Variants in PITPNM3 observed in about 807,000 individuals in gnomAD.
PITPNM3 encodes the protein membrane-associated phosphatidylinositol transfer protein 3.
PITPNM3 carries 26 observed loss-of-function variants against 102.0 expected under a neutral mutation model. The observed-to-expected ratio is 0.25, with a 90% CI of 0.19 to 0.35. The LOEUF (loss-of-function observed/expected upper bound fraction) is 0.35. Ranked by LOEUF, PITPNM3 falls within the 10% of genes least tolerant of loss-of-function variation. The pLI is 1.00. For synonymous variants in PITPNM3, 578 were observed against 558.6 expected, an observed-to-expected ratio of 1.03 and a Z score of -0.49; for missense variants, 1,083 against 1,346.1, an observed-to-expected ratio of 0.80 and a Z score of 3.06.
intron 3 of PITPNM3, among the ~76,000 whole-genome samples, chr17:6,523,993 T>G (rs1248894831): frequency 6.6e-6 from 1 of 152,222 alleles, no homozygotes; most frequent in Non-Finnish European, 1.5e-5. Context: ...CTTGGGGGAC[T>G]TTGGGCAAGA....
intron 1 of PITPNM3, among the ~76,000 whole-genome samples, chr17:6,553,740 C>T (rs570442195): frequency 6.6e-6 from 1 of 152,174 alleles, no homozygotes; most frequent in Non-Finnish European, 1.5e-5. Context: ...TCCTGTGTCA[C>T]CCCCCGCCGC....
chr17:6,461,986 G>C (rs1414709930), intron 17 of PITPNM3, among the ~76,000 whole-genome samples: 1 of 149,574 alleles, frequency 6.7e-6, no homozygotes, highest in East Asian at 2.0e-4. Context: ...CTCTCTCCTG[G>C]GCCACTACAA....
At position 6,469,670 on chromosome 17, in the gene PITPNM3, A is replaced by G. The variant is rs1904962216; in HGVS notation, c.1773+590T>C. Among the ~76,000 whole-genome samples, 1 of 152,194 alleles carries G rather than the reference A, an allele frequency of 6.6e-6. No homozygotes were observed. The highest frequency in any genetic ancestry group is 1.5e-5 in the Non-Finnish European group (1 of 68,028). On this transcript the variant is annotated intron_variant, in intron 13 of 19. Coordinates refer to ENST00000262483, the MANE Select transcript of PITPNM3 (RefSeq NM_031220.4). This position sits in a 1 kb window ranked among gnomAD's most constrained non-coding sequence, Gnocchi z 4.0. ...GTTGGGCCCCTGCACTGGCCTCACAAGAGGCCTCATGGTTCCTCTCCTGCC... is the reference window on the plus strand; with the variant it reads ...GTTGGGCCCCTGCACTGGCCTCACAGGAGGCCTCATGGTTCCTCTCCTGCC...
In PITPNM3 at chr17:6,468,534, G is replaced by A. The variant is rs1373872223; in HGVS notation, c.1774-193C>T. Among the ~76,000 whole-genome samples, 1 of 152,134 alleles carries A rather than the reference G, an allele frequency of 6.6e-6. No homozygotes were observed. The highest frequency in any genetic ancestry group is 1.5e-5 in the Non-Finnish European group (1 of 68,012). On this transcript the variant is annotated intron_variant, in intron 13 of 19. Coordinates refer to ENST00000262483, the MANE Select transcript of PITPNM3 (RefSeq NM_031220.4). The surrounding 1 kb of genome is among the most constrained non-coding windows in gnomAD (Gnocchi z 5.2). Reference sequence around the variant, plus strand: ...TGTCCTGATAGCTGGGGCCAGAGCAGTCTCCCAGCTGGCTCCCTTCCTGAG... The same window carrying A: ...TGTCCTGATAGCTGGGGCCAGAGCAATCTCCCAGCTGGCTCCCTTCCTGAG...
chr17:6,540,947 C>T (rs1909702157), intron 1 of PITPNM3, among the ~76,000 whole-genome samples: 1 of 152,250 alleles, frequency 6.6e-6, no homozygotes, highest in African/African-American at 2.4e-5. Context: ...GCGTGAGCCA[C>T]TGCATCTGGC....
intron 1 of PITPNM3, among the ~76,000 whole-genome samples, chr17:6,549,480 CCCCAGAGTCATG>C (rs1346448880): frequency 6.6e-6 from 1 of 152,188 alleles, no homozygotes; most frequent in Non-Finnish European, 1.5e-5. Context: ...CCAGCTCCCA[CCCCAGAGTCATG>C]GACAGAGGAG....
intron 3 of PITPNM3, among the ~76,000 whole-genome samples, chr17:6,505,171 G>A (rs145555694): frequency 0.014 from 1,777 of 130,234 alleles, 45 homozygotes; most frequent in African/African-American, 0.047. Context: ...ATGAGACTCC[G>A]TCTCCAAAAA....
chr17:6,466,476 A>C (rs1489865702), intron 14 of PITPNM3, among the ~76,000 whole-genome samples: 1 of 152,166 alleles, frequency 6.6e-6, no homozygotes, highest in Admixed American at 6.5e-5. Flanking sequence ...CTGGTTCATG[A>C]ATATAAGCAC....
Position 6,544,654 on chromosome 17 carries a change from T to TCTCTCACACACA in PITPNM3, c.23-6573_23-6572insTGTGTGTGAGAG, listed in dbSNP as rs376230474. 6.9e-3 allele frequency among the ~76,000 whole-genome samples: 905 copies of TCTCTCACACACA among 130,250 alleles called. 13 individuals are homozygous for TCTCTCACACACA. The highest frequency in any genetic ancestry group is 0.026 in the African/African-American group (848 of 32,504). 85.4% of individuals were successfully genotyped at this position (130,250 alleles called of 152,430 possible). ...CTCTCTCTCTCTCTCTCTCTCTCTCTCACACACACACACACACACACACAA... is the reference window on the plus strand; with the variant it reads ...CTCTCTCTCTCTCTCTCTCTCTCTCTCTCTCACACACACACACACACACACACACACACACAA... On this transcript the variant is annotated intron_variant, in intron 1 of 19. Transcript: ENST00000262483.
At chr17:6,527,884 G>A (rs1286563639) in intron 2 of PITPNM3, among the ~76,000 whole-genome samples, 5 of 152,232 alleles carry the variant, frequency 3.3e-5, no homozygotes, top group Non-Finnish European at 5.9e-5. Context: ...AGTGGTTTAT[G>A]CAAGGCTACT....
intron 4 of PITPNM3, 70 bp downstream of exon 4, chr17:6,503,457 G>C (rs1029479803): frequency 2.8e-5 from 42 of 1,527,178 alleles, no homozygotes; most frequent in Non-Finnish European, 3.7e-5. Flanking sequence ...GATGAGAGGG[G>C]ACCCAGGCTC....
intron 6 of PITPNM3, chr17:6,480,822 C>G (rs182143223): frequency 1.3e-5 from 2 of 152,484 alleles, no homozygotes; most frequent in Admixed American, 1.3e-4. Context: ...CTACCTTTAG[C>G]TAGTTCAACA....
At chr17:6,522,238 T>C (rs1041973019) in intron 3 of PITPNM3, among the ~76,000 whole-genome samples, 1 of 151,188 alleles carries the variant, frequency 6.6e-6, no homozygotes, top group Non-Finnish European at 1.5e-5. Context: ...CAAGATGAGT[T>C]CACAATCACA....
chr17:6,515,991 G>A (rs987118918), intron 3 of PITPNM3, among the ~76,000 whole-genome samples: 1 of 152,142 alleles, frequency 6.6e-6, no homozygotes, highest in African/African-American at 2.4e-5. Context: ...GACCAACCAA[G>A]ACAACACAGC....
At chr17:6,501,611 C>T (rs964444250) in intron 4 of PITPNM3, among the ~76,000 whole-genome samples, 4 of 151,884 alleles carry the variant, frequency 2.6e-5, no homozygotes, top group African/African-American at 7.3e-5. Context: ...AGAGAAAAAA[C>T]CAACAAGGGC....
In PITPNM3 at chr17:6,457,638, A is replaced by C; in HGVS notation, c.2575T>G (p.Phe859Val). 6.2e-7 allele frequency: 1 copy of C among 1,612,356 alleles called. No individual in the cohort carries two copies. The highest frequency in any genetic ancestry group is 1.3e-5 in the African/African-American group (1 of 74,708). ...TTCTTGGTGGGCCGGCCCACAATGA[A>C]GATCTGGGAGGCAGGCAGGCCCAGC... ...SVLGLPASQIFIVGRPTKKYQ... is the reference protein window; with the variant it reads ...SVLGLPASQIVIVGRPTKKYQ... The change falls in exon 19 of 20, where the codon TTC (phenylalanine) becomes GTC (valine). Residue 859 changes from phenylalanine to valine, a missense_variant. Transcript: ENST00000262483. The surrounding 1 kb of genome is among the most constrained non-coding windows in gnomAD (Gnocchi z 4.7).
chr17:6,455,485 G>C lies in PITPNM3; in HGVS notation c.2778C>G (p.Thr926=), dbSNP rs1914048223. 18 of 1,606,006 alleles carry C rather than the reference G, an allele frequency of 1.1e-5. No individual in the cohort carries two copies. Among genetic ancestry groups the C allele is most frequent in the Non-Finnish European group, 1.4e-5 (16 of 1,179,616 alleles). ...GCGGGTCGGGCTGCTGCACTGACAT[G>C]GTTCTGCGCAGGTGGTTGCGCTTCC... ...FLRKRNHLRR[T]MSVQQPDPPA... is the part of the protein sequence containing the mutation. Residue 926 remains threonine, a synonymous_variant, in exon 20 of 20, where the codon ACC becomes ACG. Coordinates refer to ENST00000262483, the MANE Select transcript of PITPNM3 (RefSeq NM_031220.4).
At chr17:6,480,729 T>C (rs560459970) in intron 6 of PITPNM3, 2 of 152,480 alleles carry the variant, frequency 1.3e-5, no homozygotes, top group African/African-American at 2.4e-5. Context: ...CGAATGCCTA[T>C]AGGATTTGGG....
chr17:6,539,163 G>A (rs9914012), intron 1 of PITPNM3, among the ~76,000 whole-genome samples: 16,909 of 152,112 alleles, frequency 0.11, 1,034 homozygotes, highest in African/African-American at 0.14. Flanking sequence ...ACACCAACTC[G>A]GTAGTCACCT....
Sources: gnomAD v4.1 joint callset for allele counts (sites outside exome capture counted in the v4.1 genomes callset) on GRCh38, gnomAD v4.1.1 for gene constraint, Gnocchi (gnomAD v3.1) non-coding constraint, MANE v1.5 for transcripts, NCBI Gene and HGNC (gene_info 2026-07-23, HGNC 2026-07-21) for gene names.